The following MYH15 variants were observed in gnomAD, a reference collection of about 807,000 sequenced individuals.
MYH15 encodes the protein myosin-15.
A neutral mutation model predicts 240.5 loss-of-function variants in MYH15; 227 were observed. The ratio of observed to expected loss-of-function variants is 0.94; its 90% confidence interval spans 0.85 to 1.05. MYH15 has a LOEUF of 1.05. Among genes scored for constraint, MYH15 ranks in the 50% least tolerant of loss-of-function variants. MYH15 has a pLI of 0.00. For synonymous variants in MYH15, 785 were observed against 796.7 expected (o/e 0.99, Z 0.25); for missense variants, 2,217 against 2,247.5 (o/e 0.99, Z 0.27).
chr3:108,462,701 G>A (rs28557392), intron 16 of MYH15, among the ~76,000 whole-genome samples: 2,316 of 152,098 alleles, frequency 0.015, 56 homozygotes, highest in African/African-American at 0.049. Flanking sequence ...CCCTGCCCTC[G>A]TGAAGCTTCT....
At chr3:108,388,025 G>C (rs1576201727) in intron 38 of MYH15, among the ~76,000 whole-genome samples, 1 of 152,168 alleles carries the variant, frequency 6.6e-6, no homozygotes. Context: ...AAAAATGGGT[G>C]CCTAAAATAA....
intron 39 of MYH15, among the ~76,000 whole-genome samples, 188 bp downstream of exon 39, chr3:108,384,499 G>A (rs980752177): frequency 6.6e-6 from 1 of 152,248 alleles, no homozygotes; most frequent in East Asian, 1.9e-4. Flanking sequence ...GCTTCCTGGA[G>A]GGAAAAGCCA....
At chr3:108,481,096 C>T (rs1008383411) in intron 11 of MYH15, among the ~76,000 whole-genome samples, 4 of 151,990 alleles carry the variant, frequency 2.6e-5, no homozygotes, top group Non-Finnish European at 5.9e-5. Flanking sequence ...TACATTCATA[C>T]AATGGAATAT....
At chr3:108,447,763 A>G (rs182069415) in intron 21 of MYH15, among the ~76,000 whole-genome samples, 2 of 152,256 alleles carry the variant, frequency 1.3e-5, no homozygotes, top group Non-Finnish European at 2.9e-5. Context: ...CTAACTAACC[A>G]CACAAAAATA....
chr3:108,383,876 A>G (rs541842796), intron 39 of MYH15, 147 bp from the exon 40 acceptor site: 41 of 639,776 alleles, frequency 6.4e-5, no homozygotes, highest in Admixed American at 1.8e-4. Flanking sequence ...TTGGTATGAT[A>G]TATTAGGATT....
At chr3:108,455,426 C>G (rs1269887965) in intron 20 of MYH15, among the ~76,000 whole-genome samples, 1 of 152,208 alleles carries the variant, frequency 6.6e-6, no homozygotes, top group Non-Finnish European at 1.5e-5. Flanking sequence ...AGCTGATTCA[C>G]TTTTTCTAGC....
chr3:108,433,299 G>A (rs1386535979), intron 25 of MYH15, among the ~76,000 whole-genome samples: 2 of 152,208 alleles, frequency 1.3e-5, no homozygotes, highest in African/African-American at 2.4e-5. Context: ...TTTACCCAGT[G>A]CCTGTACCCC....
At chr3:108,404,413 G>C (rs2082530989) in intron 33 of MYH15, among the ~76,000 whole-genome samples, 1 of 152,136 alleles carries the variant, frequency 6.6e-6, no homozygotes, top group Non-Finnish European at 1.5e-5. Flanking sequence ...CTGACATATG[G>C]CATTGACTTA....
chr3:108,454,007 T>C lies in MYH15; in HGVS notation c.2398A>G (p.Arg800Gly). 1 of 1,610,824 alleles carries C rather than the reference T, an allele frequency of 6.2e-7. No homozygotes were observed. The highest frequency in any genetic ancestry group is 8.5e-7 in the Non-Finnish European group (1 of 1,177,738). Residue 800 changes from arginine to glycine, a missense_variant and splice_region_variant, in exon 21 of 41, where the codon AGG (arginine) becomes GGG (glycine). Physicochemically the swap from Arg to Gly is moderately radical, Grantham distance 125 (BLOSUM62 -2). Transcript: ENST00000693548. ...GGGAGCAGGGTGGGCATATAATACC[T>C]TTCTTCCAGAATCTTCTGGAATTTG... The part of the protein sequence containing the change: ...RIKFQKILEE[R>G]DALILIQWNI...
At position 108,439,859 on chromosome 3, in the gene MYH15, T is replaced by C; in HGVS notation, c.2953A>G (p.Asn985Asp). 6.2e-7 allele frequency: 1 copy of C among 1,612,220 alleles called. No homozygotes were observed. ...EFLNEDISKL[N>D]RAAKVVQEAH... ...TCCTGCACAACCTTGGCTGCTCTGT[T>C]AAGTTTGCTGATATCCTCATTTAGA... Residue 985 changes from asparagine to aspartate, a missense_variant, in exon 24 of 41, where the codon AAC becomes GAC. By Grantham distance (23) the Asn-to-Asp change is conservative. Transcript: ENST00000693548.
At chr3:108,498,230 T>C in intron 5 of MYH15, 85 bp from the exon 6 acceptor site, 1 of 1,159,580 alleles carries the variant, frequency 8.6e-7, no homozygotes, top group African/African-American at 1.5e-5. Flanking sequence ...ATATAGGCTA[T>C]GGCAAGCAGG....
At chr3:108,453,217 C>T (rs560580677) in intron 21 of MYH15, among the ~76,000 whole-genome samples, 17 of 152,276 alleles carry the variant, frequency 1.1e-4, no homozygotes, top group Non-Finnish European at 1.9e-4. Flanking sequence ...AACTCCCATA[C>T]CACATTGACC....
chr3:108,434,248 T>TCTCAG (rs2082811215), intron 25 of MYH15, among the ~76,000 whole-genome samples: 1 of 149,774 alleles, frequency 6.7e-6, no homozygotes, highest in Admixed American at 6.7e-5. Context: ...AATGGTGTGA[T>TCTCAG]CTCAGCTCAG....
At chr3:108,461,535 A>G (rs79740785) in intron 16 of MYH15, among the ~76,000 whole-genome samples, 2,796 of 152,302 alleles carry the variant, frequency 0.018, 39 homozygotes, top group Admixed American at 0.031. Flanking sequence ...CAAAGAACAC[A>G]GTACACAACC....
In MYH15 at chr3:108,485,175, G is replaced by C; in HGVS notation, c.1030C>G (p.Leu344Val). The C allele has an allele frequency of 6.2e-7, 1 of 1,614,098 alleles. No homozygotes were observed. Among genetic ancestry groups the C allele is most frequent in the Admixed American group, 1.7e-5 (1 of 60,030 alleles). ...CCAAAGTGCATGATGGCTCCAGTGA[G>C]TTTATAGCATCCATACTTCTCATCA... ...LPDEKYGCYK[L>V]TGAIMHFGNM... Residue 344 changes from leucine to valine, a missense_variant, in exon 11 of 41, where the codon CTC (leucine) becomes GTC (valine). By Grantham distance (32) the Leu-to-Val change is conservative. Coordinates refer to ENST00000693548, the MANE Select transcript of MYH15 (RefSeq NM_014981.3).
rs1239830731 is a variant in MYH15, at chr3:108,414,271, T to G, written c.4106A>C (p.Asn1369Thr). 6.2e-7 allele frequency: 1 copy of G among 1,614,170 alleles called. No homozygotes were observed. Among genetic ancestry groups the G allele is most frequent in the South Asian group, 1.1e-5 (1 of 91,078 alleles). ...GTCTTCTGTTCTCTGGATGACATTGTTTTCATACTTCATTCTCCATTGCAC... is the reference window on the plus strand; with the variant it reads ...GTCTTCTGTTCTCTGGATGACATTGGTTTCATACTTCATTCTCCATTGCAC... Reference protein sequence around the residue: ...EMVQWRMKYENNVIQRTEDLE... With the variant: ...EMVQWRMKYETNVIQRTEDLE... The change falls in exon 30 of 41, where the codon AAC becomes ACC. Residue 1369 changes from asparagine to threonine, a missense_variant. Coordinates refer to ENST00000693548, the MANE Select transcript of MYH15 (RefSeq NM_014981.3).
intron 1 of MYH15, among the ~76,000 whole-genome samples, chr3:108,508,739 T>C (rs2083498614): frequency 6.6e-6 from 1 of 152,128 alleles, no homozygotes; most frequent in Non-Finnish European, 1.5e-5. Context: ...CTATATTCAG[T>C]CTTATAGTTA....
intron 1 of MYH15, among the ~76,000 whole-genome samples, chr3:108,509,324 C>T (rs1233725461): frequency 6.6e-6 from 1 of 152,140 alleles, no homozygotes; most frequent in Non-Finnish European, 1.5e-5. Flanking sequence ...ATCTCTAATG[C>T]TTAGGCTCAA....
rs919954148 is a variant in MYH15 at position 108,405,510 on chromosome 3, T to C, written c.4621-57A>G. 3.5e-6 allele frequency: 4 copies of C among 1,155,016 alleles called. No homozygotes were observed. In the East Asian group the frequency reaches 7.5e-5, roughly 22 times the overall value. 71.5% of individuals were successfully genotyped at this position (1,155,016 alleles called of 1,614,324 possible). On this transcript the variant is annotated intron_variant, in intron 32 of 40. Transcript: ENST00000693548. ...AGTCCACTTTTAGACAAAATTGTATTTTTTACCCAAAACATATGTCGCTAA... is the reference window on the plus strand; with the variant it reads ...AGTCCACTTTTAGACAAAATTGTATCTTTTACCCAAAACATATGTCGCTAA...
Sources: gnomAD v4.1 joint callset for allele counts (sites outside exome capture counted in the v4.1 genomes callset) on GRCh38, gnomAD v4.1.1 for gene constraint, MANE v1.5 for transcripts, NCBI Gene and HGNC (gene_info 2026-07-23, HGNC 2026-07-21) for gene names.